IRF2: variants seen among roughly 807,000 people sequenced by gnomAD.
The protein encoded by IRF2 is interferon regulatory factor 2.
IRF2 carries 15 observed loss-of-function variants against 40.6 expected under a neutral mutation model. The ratio of observed to expected loss-of-function variants is 0.37; its 90% CI spans 0.25 to 0.57. The LOEUF (loss-of-function observed/expected upper bound fraction) is 0.57, where lower values mean the gene tolerates loss of function less well. Ranked by LOEUF, IRF2 falls within the 20% of genes least tolerant of loss-of-function variation. The pLI is 0.77. For synonymous variants in IRF2, 151 were observed against 165.5 expected (o/e 0.91, Z 0.67); for missense variants, 317 against 455.7 (o/e 0.70, Z 2.77).
chr4:184,405,282 A>G (rs1334119486), intron 6 of IRF2, among the ~76,000 whole-genome samples: 1 of 152,104 alleles, frequency 6.6e-6, no homozygotes, highest in Non-Finnish European at 1.5e-5. Context: ...AGTAGAGGTA[A>G]CCAGTGTCTC....
intron 1 of IRF2, among the ~76,000 whole-genome samples, chr4:184,466,346 C>G (rs188356966): frequency 6.6e-6 from 1 of 152,172 alleles, no homozygotes; most frequent in Admixed American, 6.5e-5. Context: ...CCACCGCGCA[C>G]GGCCAATCCC....
intron 8 of IRF2, 122 bp from the exon 9 acceptor site, chr4:184,389,188 G>C (rs939555570): frequency 4.3e-6 from 4 of 930,816 alleles, no homozygotes; most frequent in Non-Finnish European, 6.7e-6. Context: ...GGGAGGCTGA[G>C]GCTGGAGGAT....
intron 1 of IRF2, among the ~76,000 whole-genome samples, chr4:184,429,527 T>C (rs1737797167): frequency 1.3e-5 from 2 of 152,168 alleles, no homozygotes; most frequent in South Asian, 4.1e-4. Flanking sequence ...ATCTGGGTTA[T>C]ACAAACGCTT....
intron 1 of IRF2, among the ~76,000 whole-genome samples, chr4:184,461,589 ATCGTTAGCACTG>A (rs1739146378): frequency 6.6e-6 from 1 of 152,164 alleles, no homozygotes; most frequent in South Asian, 2.1e-4. Flanking sequence ...CCCTCTACAT[ATCGTTAGCACTG>A]AATAAACACC....
chr4:184,473,194 ACCCGGCG>A (rs1287755896), intron 1 of IRF2, among the ~76,000 whole-genome samples: 1 of 150,230 alleles, frequency 6.7e-6, no homozygotes, highest in Non-Finnish European at 1.5e-5. Context: ...GGCGAATGTC[ACCCGGCG>A]CCCGGAGCCG....
intron 2 of IRF2, 101 bp downstream of exon 2, chr4:184,428,877 G>C: frequency 1.1e-6 from 1 of 939,770 alleles, no homozygotes; most frequent in South Asian, 1.3e-5. Context: ...TCATGAATAA[G>C]CCTAAGATTT....
Position 184,448,213 on chromosome 4 carries a change from G to C in IRF2, c.-6-19143C>G, listed in dbSNP as rs530781597. ...TTTCCAGTACAGAGGGAAAGACGAC[G>C]ACAGCCTTTCTGCAAATACAACAAA... On this transcript the variant is annotated intron_variant, in intron 1 of 8. Transcript: ENST00000393593. The surrounding 1 kb of genome is among the most constrained non-coding windows in gnomAD (Gnocchi z 4.3). Among the ~76,000 whole-genome samples, 50 of 152,298 alleles carry C rather than the reference G, an allele frequency of 3.3e-4. No individual in the cohort carries two copies. Among genetic ancestry groups the C allele is most frequent in the Non-Finnish European group, 5.4e-4 (37 of 68,032 alleles).
chr4:184,423,159 T>G (rs1217583461), intron 2 of IRF2, among the ~76,000 whole-genome samples: 1 of 152,202 alleles, frequency 6.6e-6, no homozygotes, highest in African/African-American at 2.4e-5. Context: ...ATGACGGTGT[T>G]GCTATGTGTG....
chr4:184,418,557 G>A lies in IRF2; in HGVS notation c.339C>T (p.Pro113=), dbSNP rs144286568. 7.5e-4 allele frequency: 1,208 copies of A among 1,613,992 alleles called. 9 individuals carry two copies. The highest frequency in any genetic ancestry group is 2.6e-3 in the Middle Eastern group (16 of 6,084). The change falls in exon 4 of 9, where the codon CCC becomes CCT. Residue 113 remains proline, a synonymous_variant. Coordinates refer to ENST00000393593, the MANE Select transcript of IRF2 (RefSeq NM_002199.4). ...CTTTCTTAGAAGGCCGTTCTGATAGGGGCAGCATTCGGTAGACCCTGAAGG... is the reference window on the plus strand; with the variant it reads ...CTTTCTTAGAAGGCCGTTCTGATAGAGGCAGCATTCGGTAGACCCTGAAGG... The part of the protein sequence containing the change: ...NNAFRVYRML[P]LSERPSKKGK...
chr4:184,430,570 A>G (rs543916984), intron 1 of IRF2, among the ~76,000 whole-genome samples: 1 of 152,194 alleles, frequency 6.6e-6, no homozygotes, highest in South Asian at 2.1e-4. Context: ...AAAACCAAAC[A>G]TTGCTTTAGG....
chr4:184,417,762 T>C (rs1371981333), intron 5 of IRF2, among the ~76,000 whole-genome samples: 5 of 152,230 alleles, frequency 3.3e-5, no homozygotes, highest in African/African-American at 4.8e-5. Context: ...ATAGAGTTCA[T>C]ACATTGTATA....
chr4:184,415,462 C>A (rs988952900), intron 5 of IRF2, among the ~76,000 whole-genome samples: 2 of 152,188 alleles, frequency 1.3e-5, no homozygotes, highest in African/African-American at 4.8e-5. Context: ...ACCACCAGTG[C>A]CCATGTGGCT....
chr4:184,424,294 G>C (rs1029643619), intron 2 of IRF2, among the ~76,000 whole-genome samples: 3 of 152,156 alleles, frequency 2.0e-5, no homozygotes, highest in African/African-American at 7.2e-5. Context: ...GGAATCCAAG[G>C]GACCCATTCC....
chr4:184,469,914 T>C (rs1739457349), intron 1 of IRF2, among the ~76,000 whole-genome samples: 1 of 152,182 alleles, frequency 6.6e-6, no homozygotes. Context: ...TGGTACTCTA[T>C]AAAAAATACT....
intron 6 of IRF2, among the ~76,000 whole-genome samples, chr4:184,401,208 G>A (rs953304305): frequency 2.0e-5 from 3 of 152,228 alleles, no homozygotes; most frequent in Admixed American, 6.5e-5. Context: ...ATCACTCCAA[G>A]TATTTTATTT....
chr4:184,399,860 T>C (rs1189224094), intron 6 of IRF2, among the ~76,000 whole-genome samples: 1 of 152,236 alleles, frequency 6.6e-6, no homozygotes. Context: ...ATATTTTTCT[T>C]ATATTGTTTA....
At chr4:184,435,238 G>A (rs1248763759) in intron 1 of IRF2, among the ~76,000 whole-genome samples, 2 of 152,092 alleles carry the variant, frequency 1.3e-5, no homozygotes, top group African/African-American at 2.4e-5. Flanking sequence ...TGCCTTCATC[G>A]TACTTTAGAA....
intron 6 of IRF2, among the ~76,000 whole-genome samples, chr4:184,404,784 T>C (rs752338726): frequency 6.6e-6 from 1 of 152,066 alleles, no homozygotes; most frequent in Non-Finnish European, 1.5e-5. Context: ...GATCTGTAGG[T>C]GCCTGGGCCA....
intron 6 of IRF2, among the ~76,000 whole-genome samples, chr4:184,406,653 C>T (rs111937893): frequency 7.9e-5 from 12 of 152,270 alleles, no homozygotes; most frequent in African/African-American, 2.6e-4. Flanking sequence ...CCTGTGTCAC[C>T]GCTGGCCATC....
Sources: allele counts gnomAD v4.1 joint callset (sites outside exome capture counted in the v4.1 genomes callset), GRCh38; gene constraint gnomAD v4.1.1; non-coding constraint Gnocchi (gnomAD v3.1); transcripts MANE v1.5; gene names NCBI Gene and HGNC (gene_info 2026-07-23, HGNC 2026-07-21).